Variants in MAMLD1 observed in about 807,000 individuals in gnomAD.
MAMLD1 encodes the protein mastermind like domain containing 1.
In MAMLD1, 14 loss-of-function variants were observed where a neutral mutation model predicts 45.0. That is an observed-to-expected ratio of 0.31 (90% CI 0.21 to 0.49). MAMLD1 has a LOEUF of 0.49. Among genes scored for constraint, MAMLD1 ranks in the 20% least tolerant of loss-of-function variants. MAMLD1 has a pLI of 0.99. For missense variants in MAMLD1, 543 were observed against 603.6 expected (o/e 0.90, Z 1.05); for synonymous variants, 254 against 247.8 (o/e 1.02, Z -0.24).
chrX:150,503,860 G>T (rs906779138), intron 6 of MAMLD1, among the ~76,000 whole-genome samples: 2 of 112,075 alleles, frequency 1.8e-5, no homozygotes, highest in African/African-American at 6.5e-5. Context: ...ATACCTACCT[G>T]CCTGTCTGTC....
At chrX:150,456,485 C>T (rs17318805) in intron 2 of MAMLD1, among the ~76,000 whole-genome samples, 13,484 of 111,184 alleles carry the variant, frequency 0.12, 780 homozygotes, top group Non-Finnish European at 0.17. Flanking sequence ...AACACCAAGA[C>T]TTGGATCTGA....
chrX:150,419,330 G>A (rs1240188356), intron 1 of MAMLD1, among the ~76,000 whole-genome samples: 1 of 101,889 alleles, frequency 9.8e-6, no homozygotes, highest in Non-Finnish European at 2.0e-5. Context: ...GCCTATGTGT[G>A]TCTCTGCACA....
chrX:150,488,163 G>C (rs1557407737), intron 5 of MAMLD1, among the ~76,000 whole-genome samples: 1 of 112,443 alleles, frequency 8.9e-6, no homozygotes, highest in Admixed American at 9.4e-5. Context: ...GTGCCTTCCA[G>C]TGCCCAAGGT....
intron 1 of MAMLD1, among the ~76,000 whole-genome samples, chrX:150,375,772 C>CA (rs1368535089): frequency 2.7e-5 from 3 of 111,765 alleles, no homozygotes; most frequent in African/African-American, 9.8e-5. Flanking sequence ...GGCAGAGCAT[C>CA]TCACCCTTAA....
chrX:150,489,139 G>C (rs912272945), intron 5 of MAMLD1, among the ~76,000 whole-genome samples: 2 of 112,326 alleles, frequency 1.8e-5, no homozygotes, highest in African/African-American at 3.2e-5. Context: ...ACTGATCTGT[G>C]AGCCAAGTGC....
intron 1 of MAMLD1, among the ~76,000 whole-genome samples, chrX:150,387,261 C>T (rs1361740872): frequency 9.0e-6 from 1 of 111,520 alleles, no homozygotes; most frequent in Admixed American, 9.6e-5. Context: ...TAAGTCCATA[C>T]TCCTTCCACT....
intron 6 of MAMLD1, among the ~76,000 whole-genome samples, chrX:150,507,731 C>T (rs781998917): frequency 7.1e-5 from 8 of 112,485 alleles, no homozygotes; most frequent in East Asian, 2.8e-4. Context: ...CCCCAGCACC[C>T]GCTGAAGCCT....
At chrX:150,423,786 G>A (rs1403564778) in intron 1 of MAMLD1, among the ~76,000 whole-genome samples, 2 of 111,905 alleles carry the variant, frequency 1.8e-5, no homozygotes, top group Admixed American at 9.5e-5. Context: ...AAACTAGCAC[G>A]GAGATCACTT....
chrX:150,367,814 G>GT (rs1206779330), intron 1 of MAMLD1, among the ~76,000 whole-genome samples: 5 of 110,145 alleles, frequency 4.5e-5, no homozygotes, highest in African/African-American at 6.7e-5. Context: ...GCGGTGTTTG[G>GT]TTTTTTGTCC....
At position 150,373,281 on chromosome X, in the gene MAMLD1, G is replaced by C. The variant is rs781842128; in HGVS notation, c.-64+9751G>C. Among the ~76,000 whole-genome samples the C allele has an allele frequency of 8.1e-5, 9 of 111,654 alleles. No homozygotes were observed. In the South Asian group the frequency reaches 3.4e-3, roughly 43 times the overall value. ...CAGTGGATCCCAGAGTGGGAGGCCCGTTCCCCATTCTGGGTGCTTGAGAAG... is the reference window on the plus strand; with the variant it reads ...CAGTGGATCCCAGAGTGGGAGGCCCCTTCCCCATTCTGGGTGCTTGAGAAG... On this transcript the variant is annotated intron_variant, in intron 1 of 7. Transcript: ENST00000370401.
At chrX:150,487,016 C>T (rs1400536806) in intron 5 of MAMLD1, among the ~76,000 whole-genome samples, 1 of 111,573 alleles carries the variant, frequency 9.0e-6, no homozygotes, top group Non-Finnish European at 1.9e-5. Flanking sequence ...TTACTGGGTT[C>T]CATCCCCAGA....
chrX:150,479,571 G>A (rs1339697611), intron 5 of MAMLD1, among the ~76,000 whole-genome samples: 1 of 112,252 alleles, frequency 8.9e-6, no homozygotes, highest in Non-Finnish European at 1.9e-5. Context: ...ATTATTTTAT[G>A]CTAAGTTAAT....
At chrX:150,402,494 C>T (rs1379011907) in intron 1 of MAMLD1, among the ~76,000 whole-genome samples, 2 of 111,433 alleles carry the variant, frequency 1.8e-5, no homozygotes, top group African/African-American at 6.6e-5. Flanking sequence ...CTCGTTCAAC[C>T]ATTGTGGAAG....
In MAMLD1 at chrX:150,469,813, T is replaced by C; in HGVS notation, c.240T>C (p.Pro80=). 8.3e-7 allele frequency: 1 copy of C among 1,211,309 alleles called. No homozygotes were observed. Among genetic ancestry groups the C allele is most frequent in the Non-Finnish European group, 1.1e-6 (1 of 895,247 alleles). Residue 80 remains proline (P), a synonymous_variant, in exon 4 of 8, where the codon CCT becomes CCC. Coordinates refer to ENST00000370401, the MANE Select transcript of MAMLD1 (RefSeq NM_005491.5). ...CAGACATGGCTGATGGGGGCTACCC[T>C]AATAAAATTAAGAGGCCTTGCCTTG... ...QFPDMADGGY[P]NKIKRPCLED...
chrX:150,511,459 T>C (rs781902442), intron 7 of MAMLD1, among the ~76,000 whole-genome samples: 1 of 111,875 alleles, frequency 8.9e-6, no homozygotes, highest in Non-Finnish European at 1.9e-5. Context: ...AGAGGCCATC[T>C]AGGCTATGAG....
At chrX:150,504,764 G>A (rs1226960259) in intron 6 of MAMLD1, 1 of 749,587 alleles carries the variant, frequency 1.3e-6, no homozygotes, top group Non-Finnish European at 1.6e-6. Context: ...ACCCAGCAGT[G>A]AAGTGGCAGA....
In MAMLD1 at chrX:150,514,035, T is replaced by C; in HGVS notation, c.*2076T>C. ...TAGAAAACCCACACCCACTGTCCTGTAAACTTTTCTCAGTGTCCAGACTTT... is the reference window on the plus strand; with the variant it reads ...TAGAAAACCCACACCCACTGTCCTGCAAACTTTTCTCAGTGTCCAGACTTT... On this transcript the variant is annotated 3_prime_UTR_variant, in exon 8 of 8. Coordinates refer to ENST00000370401, the MANE Select transcript of MAMLD1 (RefSeq NM_005491.5). 1.0e-5 allele frequency: 3 copies of C among 288,674 alleles called. No homozygotes were observed. Among genetic ancestry groups the C allele is most frequent in the Admixed American group, 6.2e-5 (1 of 16,250 alleles). The allele number at this position is 288,674 out of a possible 1,213,427, so 23.8% of individuals were successfully genotyped here. A position where few individuals can be genotyped will look rare whatever the true frequency, so the allele number is the denominator to read the frequency against.
At chrX:150,396,297 G>T (rs1557402282) in intron 1 of MAMLD1, among the ~76,000 whole-genome samples, 1 of 107,292 alleles carries the variant, frequency 9.3e-6, no homozygotes, top group Non-Finnish European at 1.9e-5. Context: ...TGCCTACCTA[G>T]CCTCTTCTTT....
intron 1 of MAMLD1, among the ~76,000 whole-genome samples, chrX:150,417,608 T>C (rs199508380): frequency 9.2e-6 from 1 of 108,182 alleles, no homozygotes; most frequent in Non-Finnish European, 1.9e-5. Context: ...ATGGTTGAAC[T>C]AGTTTACAGT....
Sources: allele counts gnomAD v4.1 joint callset (sites outside exome capture counted in the v4.1 genomes callset), GRCh38; gene constraint gnomAD v4.1.1; transcripts MANE v1.5; gene names NCBI Gene and HGNC (gene_info 2026-07-23, HGNC 2026-07-21).